Variants in TEAD1 observed in about 807,000 individuals in gnomAD.
The protein encoded by TEAD1 is TEA domain transcription factor 1.
A neutral mutation model predicts 54.9 loss-of-function variants in TEAD1; 9 were observed. The ratio of observed to expected loss-of-function variants is 0.16; its 90% CI spans 0.10 to 0.29. TEAD1 has a LOEUF of 0.29. Among genes scored for constraint, TEAD1 ranks in the 10% least tolerant of loss-of-function variants. TEAD1 has a pLI of 1.00. For synonymous variants in TEAD1, 200 were observed against 187.8 expected, an observed-to-expected ratio of 1.07 and a Z score of -0.53; for missense variants, 387 against 535.9, an observed-to-expected ratio of 0.72 and a Z score of 2.74.
intron 5 of TEAD1, among the ~76,000 whole-genome samples, chr11:12,876,678 A>G (rs1947860222): frequency 6.6e-6 from 1 of 152,188 alleles, no homozygotes; most frequent in Admixed American, 6.5e-5. Flanking sequence ...CTGTGGTCAT[A>G]CCTGAGCCAT....
At chr11:12,871,824 C>T (rs1947751714) in intron 5 of TEAD1, among the ~76,000 whole-genome samples, 1 of 152,088 alleles carries the variant, frequency 6.6e-6, no homozygotes, top group South Asian at 2.1e-4. Context: ...CTCCGCTCGG[C>T]AGGAATACAT....
intron 2 of TEAD1, among the ~76,000 whole-genome samples, chr11:12,725,716 G>C (rs2133871683): frequency 6.6e-6 from 1 of 152,306 alleles, no homozygotes; most frequent in East Asian, 1.9e-4. Flanking sequence ...AAAGCAAAAT[G>C]TTTGCAGTGG....
intron 2 of TEAD1, among the ~76,000 whole-genome samples, chr11:12,725,541 C>T (rs984362844): frequency 1.2e-4 from 18 of 152,064 alleles, no homozygotes; most frequent in Admixed American, 7.9e-4. Context: ...CTGACTTGAT[C>T]ATTACATATT....
intron 5 of TEAD1, among the ~76,000 whole-genome samples, chr11:12,877,117 C>T (rs1947867355): frequency 6.6e-6 from 1 of 152,140 alleles, no homozygotes; most frequent in East Asian, 1.9e-4. Context: ...GCAAATGGAG[C>T]CCCAAGTCGA....
chr11:12,894,727 T>A (rs544577586), intron 9 of TEAD1, among the ~76,000 whole-genome samples: 1 of 152,302 alleles, frequency 6.6e-6, no homozygotes, highest in East Asian at 1.9e-4. Context: ...TCATTTATGC[T>A]TTAAGTTTTA....
chr11:12,831,403 T>G (rs143612925), intron 3 of TEAD1, among the ~76,000 whole-genome samples: 257 of 152,246 alleles, frequency 1.7e-3, no homozygotes, highest in African/African-American at 5.8e-3. Context: ...GAGTACATAT[T>G]CCCCCCAAAC....
intron 3 of TEAD1, among the ~76,000 whole-genome samples, chr11:12,829,326 C>T (rs1296811532): frequency 1.3e-5 from 2 of 152,200 alleles, no homozygotes; most frequent in East Asian, 1.9e-4. Flanking sequence ...GCCTACCAAA[C>T]GTCTCCCTCC....
At chr11:12,855,984 T>G (rs1947369272) in intron 3 of TEAD1, among the ~76,000 whole-genome samples, 1 of 151,362 alleles carries the variant, frequency 6.6e-6, no homozygotes, top group Admixed American at 6.6e-5. Context: ...GGCATATGAC[T>G]AGAAGGCAGT....
intron 3 of TEAD1, among the ~76,000 whole-genome samples, chr11:12,794,668 C>T (rs746881172): frequency 2.0e-5 from 3 of 152,134 alleles, no homozygotes; most frequent in Non-Finnish European, 4.4e-5. Context: ...GCCTCTGTGG[C>T]GAGCCGGGCC....
At chr11:12,727,145 CAGG>C (rs1944329148) in intron 2 of TEAD1, among the ~76,000 whole-genome samples, 2 of 152,166 alleles carry the variant, frequency 1.3e-5, no homozygotes, top group South Asian at 4.1e-4. Context: ...GAAGCTGAGG[CAGG>C]AGAATTGCTT....
chr11:12,690,865 C>T (rs2133823717), intron 2 of TEAD1, among the ~76,000 whole-genome samples: 1 of 152,312 alleles, frequency 6.6e-6, no homozygotes, highest in Middle Eastern at 3.4e-3. Context: ...TCAGGTGATC[C>T]TCTGACCTCA....
chr11:12,910,563 C>A (rs1564987293), intron 10 of TEAD1, among the ~76,000 whole-genome samples: 1 of 152,082 alleles, frequency 6.6e-6, no homozygotes, highest in South Asian at 2.1e-4. Context: ...CAGGTTATAA[C>A]AAATTTTTAA....
intron 3 of TEAD1, among the ~76,000 whole-genome samples, chr11:12,797,478 C>T (rs749704506): frequency 9.9e-5 from 15 of 151,978 alleles, no homozygotes; most frequent in Non-Finnish European, 1.9e-4. Flanking sequence ...TGCTTTTGTA[C>T]CCCCTGGTGT....
intron 2 of TEAD1, among the ~76,000 whole-genome samples, chr11:12,691,798 C>T (rs1049310436): frequency 2.0e-5 from 3 of 152,118 alleles, no homozygotes; most frequent in Non-Finnish European, 4.4e-5. Flanking sequence ...TATCTTATTA[C>T]CACCGTGAGC....
At chr11:12,738,280 A>G (rs1432935670) in intron 2 of TEAD1, among the ~76,000 whole-genome samples, 1 of 152,194 alleles carries the variant, frequency 6.6e-6, no homozygotes, top group Non-Finnish European at 1.5e-5. Context: ...AAAATCAATT[A>G]CTGCCCCGTA....
At chr11:12,772,665 A>G (rs1945336392) in intron 3 of TEAD1, among the ~76,000 whole-genome samples, 2 of 152,220 alleles carry the variant, frequency 1.3e-5, no homozygotes, top group Non-Finnish European at 2.9e-5. Context: ...ATGGTAAGAA[A>G]TAATACCCAA....
intron 2 of TEAD1, among the ~76,000 whole-genome samples, chr11:12,751,847 A>C (rs947388064): frequency 6.6e-5 from 10 of 152,144 alleles, no homozygotes; most frequent in Non-Finnish European, 1.3e-4. Flanking sequence ...AAACTTGCCG[A>C]CCAAAACCAC....
intron 3 of TEAD1, among the ~76,000 whole-genome samples, chr11:12,804,799 G>A (rs1331985143): frequency 6.6e-6 from 1 of 152,120 alleles, no homozygotes; most frequent in Non-Finnish European, 1.5e-5. Context: ...ACAAAAGAAA[G>A]CCCCTTTAGA....
intron 10 of TEAD1, among the ~76,000 whole-genome samples, chr11:12,908,962 T>C (rs936051455): frequency 6.6e-6 from 1 of 151,120 alleles, no homozygotes; most frequent in Non-Finnish European, 1.5e-5. Context: ...TGGTTATGTG[T>C]GTAAATAACC....
Sources: gnomAD v4.1 joint callset for allele counts (sites outside exome capture counted in the v4.1 genomes callset) on GRCh38, gnomAD v4.1.1 for gene constraint, MANE v1.5 for transcripts, NCBI Gene and HGNC (gene_info 2026-07-23, HGNC 2026-07-21) for gene names.